Variants in RUFY4 observed in about 807,000 individuals in gnomAD.
The protein encoded by RUFY4 is RUN and FYVE domain containing 4, also known as RUN and FYVE domain-containing protein 4.
Under a neutral mutation model 69.0 loss-of-function variants are expected in RUFY4, and 73 were observed. The observed-to-expected ratio is 1.06, with a 90% confidence interval of 0.88 to 1.29. The LOEUF is 1.29. RUFY4 is among the 50% of genes most tolerant of loss of function. RUFY4 has a pLI of 0.00. For missense variants in RUFY4, 770 were observed against 705.6 expected (o/e 1.09, Z -1.03); for synonymous variants, 287 against 271.8 (o/e 1.06, Z -0.55).
At chr2:218,046,839 T>C (rs1259915368) in intron 2 of RUFY4, among the ~76,000 whole-genome samples, 1 of 152,162 alleles carries the variant, frequency 6.6e-6, no homozygotes, top group Admixed American at 6.5e-5. Context: ...AATTAATTCT[T>C]TTGACATATT....
intron 2 of RUFY4, among the ~76,000 whole-genome samples, chr2:218,055,212 T>C (rs1689035000): frequency 1.3e-5 from 2 of 152,026 alleles, no homozygotes; most frequent in Non-Finnish European, 2.9e-5. Context: ...CTGAGAAACA[T>C]GATGAAACCC....
chr2:218,038,088 G>A lies in RUFY4; in HGVS notation c.-1158+2694G>A, dbSNP rs572521599. On this transcript the variant is annotated intron_variant and NMD_transcript_variant, in intron 2 of 13. Coordinates refer to the RUFY4 transcript ENST00000457754. ...GATCTTGGTTAAGTTTCATGATAGC[G>A]TCAGTCTCTTCCTTAGAGTTATGGA... 5.6e-4 allele frequency among the ~76,000 whole-genome samples: 85 copies of A among 152,216 alleles called. 1 individual carries two copies. Among genetic ancestry groups the A allele is most frequent in the Non-Finnish European group, 2.2e-4 (15 of 68,018 alleles).
chr2:218,061,841 G>T (rs1325287718), intron 3 of RUFY4, among the ~76,000 whole-genome samples: 1 of 152,142 alleles, frequency 6.6e-6, no homozygotes, highest in East Asian at 1.9e-4. Flanking sequence ...TCTTAATCAG[G>T]GGACTAAGCA....
chr2:218,061,071 T>C (rs1214766311), intron 3 of RUFY4: 2 of 617,420 alleles, frequency 3.2e-6, no homozygotes, highest in Non-Finnish European at 6.3e-6. Context: ...CTGGCACAGA[T>C]TGTGCCAAAA....
At chr2:218,038,453 C>A (rs909953599) in intron 2 of RUFY4, among the ~76,000 whole-genome samples, 1 of 152,136 alleles carries the variant, frequency 6.6e-6, no homozygotes, top group Non-Finnish European at 1.5e-5. Context: ...CATGGTGAAT[C>A]TGTTTTCATT....
intron 2 of RUFY4, among the ~76,000 whole-genome samples, chr2:218,058,390 G>A (rs1689110971): frequency 6.6e-6 from 1 of 152,208 alleles, no homozygotes; most frequent in Non-Finnish European, 1.5e-5. Flanking sequence ...ATGTGGGTAA[G>A]GAAAGAAGGC....
chr2:218,036,935 A>G (rs4674239), intron 2 of RUFY4, among the ~76,000 whole-genome samples: 24 of 152,250 alleles, frequency 1.6e-4, no homozygotes, highest in Non-Finnish European at 2.6e-4. Context: ...CTTCAGGAAC[A>G]GAGCAGTTCT....
intron 3 of RUFY4, chr2:218,060,598 G>T (rs1362012467): frequency 3.0e-6 from 4 of 1,341,864 alleles, no homozygotes; most frequent in East Asian, 4.6e-5. Context: ...TCCCATGAGG[G>T]TGTCTGCCAG....
intron 8 of RUFY4, among the ~76,000 whole-genome samples, chr2:218,081,458 C>T (rs1689757911): frequency 2.0e-5 from 3 of 152,210 alleles, no homozygotes; most frequent in Admixed American, 2.0e-4. Context: ...TTGTCTCTGT[C>T]ATAGCACTTA....
intron 8 of RUFY4, among the ~76,000 whole-genome samples, chr2:218,077,931 G>A (rs1431677918): frequency 6.6e-6 from 1 of 152,230 alleles, no homozygotes; most frequent in Non-Finnish European, 1.5e-5. Context: ...GCAGCTGGGA[G>A]GTTATAGAGA....
At chr2:218,056,229 G>GT (rs796703457) in intron 2 of RUFY4, among the ~76,000 whole-genome samples, 2,753 of 128,766 alleles carry the variant, frequency 0.021, 44 homozygotes, top group South Asian at 0.064. Context: ...GCTGGTTGTT[G>GT]TTTTTTTTTT....
chr2:218,074,908 G>A (rs1457070255), intron 6 of RUFY4, among the ~76,000 whole-genome samples, 185 bp from the exon 9 acceptor site: 4 of 152,168 alleles, frequency 2.6e-5, no homozygotes, highest in African/African-American at 4.8e-5. Flanking sequence ...AAAGCATGGC[G>A]CTCAGATCAC....
At chr2:218,051,805 C>G (rs1222327508) in intron 2 of RUFY4, among the ~76,000 whole-genome samples, 1 of 152,148 alleles carries the variant, frequency 6.6e-6, no homozygotes, top group African/African-American at 2.4e-5. Context: ...ATGTTTGAAA[C>G]AGAAAGGTTT....
rs755407050 is a variant in RUFY4 at position 218,060,759 on chromosome 2, A to C, written c.-1071+2078A>C. On this transcript the variant is annotated intron_variant and NMD_transcript_variant, in intron 3 of 13. Coordinates refer to the RUFY4 transcript ENST00000457754. ...AGAACAGCATGATCGCAGCGGCACG[A>C]TGAAGCCAAAGGACTGGGGCAGGAT... 2.6e-6 allele frequency: 4 copies of C among 1,539,754 alleles called. No individual in the cohort carries two copies. The African/African-American group carries it at 4.1e-5, about 16-fold the overall frequency.
At chr2:218,067,969 C>T (rs1266165780), upstream of RUFY4, among the ~76,000 whole-genome samples, 1 of 152,222 alleles carries the variant, frequency 6.6e-6, no homozygotes, top group Admixed American at 6.5e-5. Flanking sequence ...AGAGGAGTTA[C>T]CCATCCCTGG....
intron 2 of RUFY4, among the ~76,000 whole-genome samples, chr2:218,042,141 A>G (rs551780537): frequency 6.6e-6 from 1 of 152,298 alleles, no homozygotes; most frequent in South Asian, 2.1e-4. Context: ...CACATGAGAG[A>G]CTACAACACA....
intron 2 of RUFY4, among the ~76,000 whole-genome samples, chr2:218,039,001 G>A (rs1421178853): frequency 4.6e-5 from 7 of 152,192 alleles, no homozygotes; most frequent in South Asian, 2.1e-4. Context: ...GTGGGCAATC[G>A]GTTGCATAAC....
chr2:218,076,356 C>A, intron 7 of RUFY4, 71 bp from the exon 10 acceptor site: 1 of 1,511,960 alleles, frequency 6.6e-7, no homozygotes, highest in South Asian at 1.3e-5. Flanking sequence ...GAATGTTGTT[C>A]AGGTCAGCCC....
intron 3 of RUFY4, among the ~76,000 whole-genome samples, chr2:218,064,254 G>A (rs1689268936): frequency 6.6e-6 from 1 of 152,112 alleles, no homozygotes; most frequent in South Asian, 2.1e-4. Flanking sequence ...GGGCCCCAGG[G>A]TGCCTCCTCC....
Sources: allele counts gnomAD v4.1 joint callset (sites outside exome capture counted in the v4.1 genomes callset), GRCh38; gene constraint gnomAD v4.1.1; transcripts MANE v1.5; gene names NCBI Gene and HGNC (gene_info 2026-07-23, HGNC 2026-07-21).